Variants in PAPLN observed in about 807,000 individuals in gnomAD.
PAPLN encodes the protein papilin, proteoglycan like sulfated glycoprotein.
In PAPLN, 146 loss-of-function variants were observed where a neutral mutation model predicts 159.0. The ratio of observed to expected loss-of-function variants is 0.92; its 90% CI spans 0.80 to 1.05. PAPLN has a LOEUF of 1.05. Among genes scored for constraint, PAPLN ranks in the 50% least tolerant of loss-of-function variants. The probability of loss-of-function intolerance (pLI) is 0.00; values close to 1 mark genes in which losing one functional copy is unlikely to be tolerated. For synonymous variants in PAPLN, 734 were observed against 702.9 expected, an observed-to-expected ratio of 1.04 and a Z score of -0.70; for missense variants, 1,720 against 1,743.9, an observed-to-expected ratio of 0.99 and a Z score of 0.24.
intron 5 of PAPLN, among the ~76,000 whole-genome samples, chr14:73,248,634 C>G (rs961072546): frequency 6.6e-6 from 1 of 151,164 alleles, no homozygotes; most frequent in African/African-American, 2.4e-5. Context: ...GAAACCCCAT[C>G]TCTACCAAAA....
chr14:73,262,771 T>A lies in PAPLN; in HGVS notation c.2667T>A (p.Pro889=), dbSNP rs1886732510. ...PWGQELGSRA[P]GLGGDAGSPA... ...GGCAGGAGCTTGGGTCCAGGGCCCC[T>A]GGACTGGGTGGAGATGCCGGATCAC... Residue 889 remains proline (P), a synonymous_variant, in exon 19 of 27, where the codon CCT becomes CCA. Transcript: ENST00000644200. 6.6e-7 allele frequency: 1 copy of A among 1,506,810 alleles called. No homozygotes were observed. Among genetic ancestry groups the A allele is most frequent in the East Asian group, 2.3e-5 (1 of 43,326 alleles). 93.3% of individuals were successfully genotyped at this position (1,506,810 alleles called of 1,614,324 possible).
chr14:73,240,171 A>G (rs1383709386), intron 2 of PAPLN, among the ~76,000 whole-genome samples: 1 of 151,946 alleles, frequency 6.6e-6, no homozygotes, highest in Non-Finnish European at 1.5e-5. Context: ...GGTCCATCCC[A>G]CCAGACACCT....
At chr14:73,263,934 T>A in intron 20 of PAPLN, 152 bp downstream of exon 20, 2 of 839,800 alleles carry the variant, frequency 2.4e-6, no homozygotes, top group African/African-American at 3.5e-5. Context: ...CCCTACCCCC[T>A]CTGACAGGTG....
At chr14:73,268,800 G>T in intron 26 of PAPLN, 77 bp downstream of exon 26, 1 of 1,453,086 alleles carries the variant, frequency 6.9e-7, no homozygotes, top group South Asian at 1.4e-5. Flanking sequence ...TGGCTCTGCA[G>T]TCTGAGGGAC....
rs1390122235 is a variant in PAPLN, at chr14:73,273,204, T to TCA, written c.*540_*541insCA. ...CATGTTGGCCAGGCTGGTCTCGAACTTCTGACCTCAGATGATCTGCCCGCC... is the reference window on the plus strand; with the variant it reads ...CATGTTGGCCAGGCTGGTCTCGAACTCATCTGACCTCAGATGATCTGCCCGCC... On this transcript the variant is annotated 3_prime_UTR_variant, in exon 27 of 27. Transcript: ENST00000644200. 2.6e-5 allele frequency: 4 copies of TCA among 152,282 alleles called. No individual in the cohort carries two copies. The highest frequency in any genetic ancestry group is 9.6e-5 in the African/African-American group (4 of 41,452). 9.4% of individuals were successfully genotyped at this position (152,282 alleles called of 1,614,324 possible).
Position 73,253,965 on chromosome 14 carries a change from A to G in PAPLN, c.1302+4A>G. On this transcript the variant is annotated splice_donor_region_variant and intron_variant, in intron 12 of 26. Coordinates refer to ENST00000644200, the MANE Select transcript of PAPLN (RefSeq NM_001365906.3). ...GAGCCCGGAGCCCTGGGGAGAGGTC[A>G]GGCCCCTGGCCCGCATGGGGCTGGT... 1 of 1,607,986 alleles carries G rather than the reference A, an allele frequency of 6.2e-7. No individual in the cohort carries two copies. The highest frequency in any genetic ancestry group is 8.5e-7 in the Non-Finnish European group (1 of 1,178,210).
chr14:73,244,805 G>C (rs2280793), intron 3 of PAPLN, 46 bp downstream of exon 3: 3 of 1,449,210 alleles, frequency 2.1e-6, no homozygotes, highest in African/African-American at 2.8e-5. Flanking sequence ...AGGAGCAGGG[G>C]ATGCTGCCTT....
rs578041359 is a variant in PAPLN, at chr14:73,254,737, C to G, written c.1485+42C>G. The G allele has an allele frequency of 1.2e-5, 20 of 1,601,252 alleles. 1 individual carries two copies. In the South Asian group the frequency reaches 1.8e-4, roughly 14 times the overall value. On this transcript the variant is annotated intron_variant, in intron 13 of 26. Transcript: ENST00000644200. Reference sequence around the variant, plus strand: ...CCCACACCTGCTGCCTGACCCTGGTCTCTGGCAGGTGGCTGCACCCGAGCG... The same window carrying G: ...CCCACACCTGCTGCCTGACCCTGGTGTCTGGCAGGTGGCTGCACCCGAGCG...
chr14:73,244,278 T>G, intron 2 of PAPLN: 1 of 181,720 alleles, frequency 5.5e-6, no homozygotes, highest in Non-Finnish European at 1.2e-5. Flanking sequence ...CTTCCCTTTA[T>G]TTTCTTTTAG....
In PAPLN at chr14:73,251,804, C is replaced by T. The variant is rs773031338; in HGVS notation, c.811C>T (p.Arg271Trp). 2.9e-5 allele frequency: 46 copies of T among 1,600,782 alleles called. No individual in the cohort carries two copies. The highest frequency in any genetic ancestry group is 2.1e-4 in the Admixed American group (12 of 55,826). The stretch of plus-strand genomic sequence containing the variant: ...CCTGGCCCCTGAGCGACTCCATGCC[C>T]GGGGCCCCACCTCGGAGCCCCTGGT... ...GDLAPERLHA[R>W]GPTSEPLVIE... Residue 271 changes from arginine (R) to tryptophan (W), a missense_variant, in exon 9 of 27, where the codon CGG (arginine) becomes TGG (tryptophan). By Grantham distance (101) the Arg-to-Trp change is moderately radical. Coordinates refer to ENST00000644200, the MANE Select transcript of PAPLN (RefSeq NM_001365906.3).
At chr14:73,239,724 G>T (rs1308453708) in intron 1 of PAPLN, 49 bp from the exon 2 acceptor site, 4 of 1,537,072 alleles carry the variant, frequency 2.6e-6, no homozygotes, top group Non-Finnish European at 3.5e-6. Context: ...CCGCGCCCAG[G>T]ACAGCTGCGG....
intron 14 of PAPLN, among the ~76,000 whole-genome samples, chr14:73,257,408 T>G (rs1009891210): frequency 3.0e-5 from 1 of 33,770 alleles, no homozygotes; most frequent in Non-Finnish European, 7.3e-5. Flanking sequence ...GGGCATTATT[T>G]CAGGGGGGGT....
Position 73,239,777 on chromosome 14 carries a change from A to G in PAPLN, c.-2A>G. The G allele has an allele frequency of 6.3e-7, 1 of 1,592,398 alleles. No individual in the cohort carries two copies. Among genetic ancestry groups the G allele is most frequent in the Admixed American group, 1.7e-5 (1 of 59,002 alleles). On this transcript the variant is annotated 5_prime_UTR_variant, in exon 2 of 27. Transcript: ENST00000644200. ...AACCCAATGCGTCTCCCGCAGGCTG[A>G]GATGCGGCTGCTCCTGCTCGTGCCG...
intron 14 of PAPLN, among the ~76,000 whole-genome samples, chr14:73,256,546 A>AG (rs1885933480): frequency 6.6e-6 from 1 of 151,480 alleles, no homozygotes; most frequent in Admixed American, 6.6e-5. Flanking sequence ...AAAAAAAAAA[A>AG]AAAAAGAAAT....
chr14:73,248,179 GTGTGTGTGTC>G (rs1270241414), intron 5 of PAPLN, among the ~76,000 whole-genome samples: 1 of 145,950 alleles, frequency 6.9e-6, no homozygotes, highest in African/African-American at 2.6e-5. Context: ...CTGTGTGTGT[GTGTGTGTGTC>G]TGTGTGTGTT....
rs58861559 is a variant in PAPLN, at chr14:73,273,297, A to AT, written c.*643dup. On this transcript the variant is annotated 3_prime_UTR_variant, in exon 27 of 27. Coordinates refer to ENST00000644200, the MANE Select transcript of PAPLN (RefSeq NM_001365906.3). ...GCCCAGCCATCAATGCATTTTTTTT[A>AT]TTTTTTTTTTGAGACAGAGTTTCGC... The AT allele has an allele frequency of 0.19, 24,016 of 125,280 alleles. 2,646 individuals carry two copies. Among genetic ancestry groups the AT allele is most frequent in the Non-Finnish European group, 0.26 (15,672 of 59,884 alleles). The allele number at this position is 125,280 out of a possible 1,614,324, so 7.8% of individuals were successfully genotyped here. A position where few individuals can be genotyped will look rare whatever the true frequency, so the allele number is the denominator to read the frequency against.
chr14:73,254,435 G>T, intron 12 of PAPLN, 78 bp from the exon 13 acceptor site: 1 of 1,550,416 alleles, frequency 6.4e-7, no homozygotes, highest in South Asian at 1.2e-5. Flanking sequence ...ACACCAGGCT[G>T]GTGGGCCGCT....
rs141274242 is a variant in PAPLN, at chr14:73,245,617, C to G, written c.171-19C>G. On this transcript the variant is annotated intron_variant, in intron 3 of 26. Transcript: ENST00000644200. This position sits in a 1 kb window ranked among gnomAD's most constrained non-coding sequence, Gnocchi z 4.2. ...ACGTTGGGTCTCGGTCAGGTCTTCCCGGTGCTCTGGTCCCGCAGGAGAGAT... is the reference window on the plus strand; with the variant it reads ...ACGTTGGGTCTCGGTCAGGTCTTCCGGGTGCTCTGGTCCCGCAGGAGAGAT... 1.3e-6 allele frequency: 2 copies of G among 1,553,596 alleles called. No homozygotes were observed. Among genetic ancestry groups the G allele is most frequent in the Non-Finnish European group, 1.7e-6 (2 of 1,149,826 alleles).
Position 73,245,967 on chromosome 14 carries a change from G to C in PAPLN, c.232-106G>C, listed in dbSNP as rs1884221600. On this transcript the variant is annotated intron_variant, in intron 4 of 26. Transcript: ENST00000644200. This position sits in a 1 kb window ranked among gnomAD's most constrained non-coding sequence, Gnocchi z 4.2. Reference sequence around the variant, plus strand: ...GACTCCACCTCCGGCGGCTCCGATGGGGCAGGCAAGGGAGACTCCTGGGCT... The same window carrying C: ...GACTCCACCTCCGGCGGCTCCGATGCGGCAGGCAAGGGAGACTCCTGGGCT... 1.7e-6 allele frequency: 2 copies of C among 1,177,674 alleles called. No individual in the cohort carries two copies. Among genetic ancestry groups the C allele is most frequent in the Admixed American group, 2.9e-5 (1 of 34,404 alleles). The allele number at this position is 1,177,674 out of a possible 1,614,324, so 73.0% of individuals were successfully genotyped here. A position where few individuals can be genotyped will look rare whatever the true frequency, so the allele number is the denominator to read the frequency against.
Sources: gnomAD v4.1 joint callset for allele counts (sites outside exome capture counted in the v4.1 genomes callset) on GRCh38, gnomAD v4.1.1 for gene constraint, Gnocchi (gnomAD v3.1) non-coding constraint, MANE v1.5 for transcripts, NCBI Gene and HGNC (gene_info 2026-07-23, HGNC 2026-07-21) for gene names.